Variants in GCNT1 observed in about 807,000 individuals in gnomAD.
GCNT1 encodes glucosaminyl (N-acetyl) transferase 1, also known as beta-1,3-galactosyl-O-glycosyl-glycoprotein beta-1,6-N-acetylglucosaminyltransferase.
GCNT1 carries 16 observed loss-of-function variants against 26.2 expected under a neutral mutation model. The ratio of observed to expected loss-of-function variants is 0.61; its 90% confidence interval spans 0.41 to 0.93. The LOEUF is 0.93. Ranked by LOEUF, GCNT1 falls within the 40% of genes least tolerant of loss-of-function variation. GCNT1 has a pLI of 0.00. For synonymous variants in GCNT1, 183 were observed against 190.8 expected, an observed-to-expected ratio of 0.96 and a Z score of 0.34; for missense variants, 477 against 526.7, an observed-to-expected ratio of 0.91 and a Z score of 0.92.
chr9:76,494,376 G>T (rs1824844382), intron 2 of GCNT1, among the ~76,000 whole-genome samples: 1 of 152,114 alleles, frequency 6.6e-6, no homozygotes, highest in Admixed American at 6.5e-5. Flanking sequence ...CCATAAAGAT[G>T]TTATGCCCCC....
Position 76,504,615 on chromosome 9 carries a change from A to AT in GCNT1, c.*950dup, listed in dbSNP as rs1348029929. On this transcript the variant is annotated 3_prime_UTR_variant, in exon 4 of 4. Coordinates refer to ENST00000376730, the MANE Select transcript of GCNT1 (RefSeq NM_001490.5). ...GTGGGAGGGGGGAGAAAAGGAATGT[A>AT]TTTAAACAATTTCCGATGCCCATGA... 6 of 411,748 alleles carry AT rather than the reference A, an allele frequency of 1.5e-5. No homozygotes were observed. Among genetic ancestry groups the AT allele is most frequent in the Non-Finnish European group, 2.7e-5 (6 of 225,736 alleles). The allele number at this position is 411,748 out of a possible 1,614,324, so 25.5% of individuals were successfully genotyped here.
upstream of GCNT1, among the ~76,000 whole-genome samples, chr9:76,458,275 C>T (rs1169966221): frequency 1.3e-5 from 2 of 150,462 alleles, no homozygotes; most frequent in Admixed American, 6.6e-5. Context: ...CTCCGCCTCC[C>T]GGGTTCACGC....
At chr9:76,439,903 C>T (rs923591670), upstream of GCNT1, among the ~76,000 whole-genome samples, 1 of 151,726 alleles carries the variant, frequency 6.6e-6, no homozygotes, top group Non-Finnish European at 1.5e-5. Context: ...AGATCGAGAC[C>T]ATCCTGGCCA....
the GCNT1 span, among the ~76,000 whole-genome samples, chr9:76,404,167 G>A: frequency 6.6e-6 from 1 of 152,084 alleles, no homozygotes; most frequent in Non-Finnish European, 1.5e-5. Flanking sequence ...AAAAATATAG[G>A]TGTTACCAAC....
chr9:76,427,261 G>C (rs1032760808), intron 1 of GCNT1, among the ~76,000 whole-genome samples: 9 of 149,522 alleles, frequency 6.0e-5, no homozygotes, highest in Admixed American at 2.0e-4. Context: ...TAGTGGCACA[G>C]TCTTGGCTTA....
rs1008106035 is a variant in GCNT1, at chr9:76,504,837, G to A, written c.*1169G>A. On this transcript the variant is annotated 3_prime_UTR_variant, in exon 4 of 4. Coordinates refer to ENST00000376730, the MANE Select transcript of GCNT1 (RefSeq NM_001490.5). ...GTTTCCTCCTTTCTCAACCTTCCAC[G>A]AGGAGGAAAGAAGTGTGCAGTCATT... 8 of 413,292 alleles carry A rather than the reference G, an allele frequency of 1.9e-5. No homozygotes were observed. The highest frequency in any genetic ancestry group is 4.4e-5 in the Admixed American group (1 of 22,712). The allele number at this position is 413,292 out of a possible 1,614,324, so 25.6% of individuals were successfully genotyped here.
chr9:76,464,604 C>T (rs974402723), intron 2 of GCNT1, among the ~76,000 whole-genome samples: 2 of 151,988 alleles, frequency 1.3e-5, no homozygotes, highest in African/African-American at 2.4e-5. Flanking sequence ...TGGCTATTCA[C>T]AGGTGAGATC....
At chr9:76,413,653 G>GTTTTTTTTTTTTTGTTTTTTTTTTTTT in the GCNT1 span, among the ~76,000 whole-genome samples, 1 of 118,662 alleles carries the variant, frequency 8.4e-6, no homozygotes, top group Non-Finnish European at 1.8e-5. Context: ...GTTTTGTTTT[G>GTTTTTTTTTTTTTGTTTTTTTTTTTTT]TTTTTTTTTT....
chr9:76,407,855 G>T, the GCNT1 span, among the ~76,000 whole-genome samples: 3 of 152,208 alleles, frequency 2.0e-5, no homozygotes, highest in African/African-American at 7.2e-5. Context: ...TCATACCTAA[G>T]TATTCCATAT....
intron 2 of GCNT1, among the ~76,000 whole-genome samples, chr9:76,464,361 C>G (rs2131597479): frequency 6.6e-6 from 1 of 152,146 alleles, no homozygotes. Flanking sequence ...GGACTACAGG[C>G]ACACGCCACT....
chr9:76,462,143 ATTT>A (rs11368049), intron 2 of GCNT1, among the ~76,000 whole-genome samples: 2 of 148,146 alleles, frequency 1.4e-5, no homozygotes, highest in Non-Finnish European at 1.5e-5. Context: ...GCTATACTGT[ATTT>A]TTTTTTTTTT....
At chr9:76,463,480 T>C (rs1823921376) in intron 2 of GCNT1, among the ~76,000 whole-genome samples, 3 of 152,316 alleles carry the variant, frequency 2.0e-5, no homozygotes, top group Middle Eastern at 6.8e-3. Context: ...GCTTCCTTGA[T>C]TGTTCTTCTG....
chr9:76,495,497 G>T (rs938813919), intron 2 of GCNT1, among the ~76,000 whole-genome samples: 2 of 152,204 alleles, frequency 1.3e-5, no homozygotes, highest in African/African-American at 2.4e-5. Context: ...GCTGGCTTGG[G>T]TGGCCAGCTT....
chr9:76,403,982 A>T, the GCNT1 span, among the ~76,000 whole-genome samples: 1 of 152,244 alleles, frequency 6.6e-6, no homozygotes, highest in Non-Finnish European at 1.5e-5. Context: ...TTTTCAGAAT[A>T]ATGAGTAAAT....
upstream of GCNT1, among the ~76,000 whole-genome samples, chr9:76,416,662 CA>C (rs1161887477): frequency 6.6e-6 from 1 of 152,248 alleles, no homozygotes; most frequent in Non-Finnish European, 1.5e-5. Context: ...GGGAACTCTC[CA>C]GTCTCACTAC....
chr9:76,434,664 G>A (rs1230877257), intron 1 of GCNT1, among the ~76,000 whole-genome samples: 5 of 152,122 alleles, frequency 3.3e-5, no homozygotes, highest in Admixed American at 3.3e-4. Flanking sequence ...AGGGAACAAG[G>A]GAAGACAACC....
chr9:76,506,765 C>G lies in GCNT1; in HGVS notation c.*3097C>G, dbSNP rs1825248993. The G allele has an allele frequency of 1.8e-5, 3 of 166,954 alleles. No homozygotes were observed. Among genetic ancestry groups the G allele is most frequent in the Non-Finnish European group, 4.4e-5 (3 of 68,072 alleles). The allele number at this position is 166,954 out of a possible 1,614,324, so 10.3% of individuals were successfully genotyped here. The stretch of plus-strand genomic sequence containing the variant: ...GTTGTTTCTAAACATATATTTATGT[C>G]ATTTATTAAGTACAGTTCACTTAAA... On this transcript the variant is annotated 3_prime_UTR_variant, in exon 4 of 4. Transcript: ENST00000376730.
chr9:76,448,950 C>A (rs1409610441), intron 1 of GCNT1, among the ~76,000 whole-genome samples: 2 of 152,182 alleles, frequency 1.3e-5, no homozygotes, highest in Non-Finnish European at 2.9e-5. Context: ...GACAGAAATG[C>A]TAAATTTACT....
Position 76,503,817 on chromosome 9 carries a change from G to T in GCNT1, c.*149G>T, listed in dbSNP as rs1587462110. 1.5e-6 allele frequency: 1 copy of T among 660,958 alleles called. No individual in the cohort carries two copies. Among genetic ancestry groups the T allele is most frequent in the East Asian group, 2.7e-5 (1 of 37,366 alleles). The allele number at this position is 660,958 out of a possible 1,614,324, so 40.9% of individuals were successfully genotyped here. On this transcript the variant is annotated 3_prime_UTR_variant, in exon 4 of 4. Transcript: ENST00000376730. ...ATCTTCTTGTCAGAGAAGCTGCATG[G>T]TTTCTGCAGAGCACAGTTAGCTAGA...
Sources: allele counts gnomAD v4.1 joint callset (sites outside exome capture counted in the v4.1 genomes callset), GRCh38; gene constraint gnomAD v4.1.1; transcripts MANE v1.5; gene names NCBI Gene and HGNC (gene_info 2026-07-23, HGNC 2026-07-21).